Variants in CATSPERD observed in about 807,000 individuals in gnomAD.
The protein encoded by CATSPERD is cation channel sperm-associated auxiliary subunit delta.
A neutral mutation model predicts 98.1 loss-of-function variants in CATSPERD; 86 were observed. That is an observed-to-expected ratio of 0.88 (90% confidence interval 0.74 to 1.05). The LOEUF (loss-of-function observed/expected upper bound fraction) is 1.05. Among genes scored for constraint, CATSPERD ranks in the 50% least tolerant of loss-of-function variants. The pLI, the probability that CATSPERD is intolerant of heterozygous loss-of-function variation, is 0.00. For synonymous variants in CATSPERD, 394 were observed against 390.2 expected (o/e 1.01, Z -0.12); for missense variants, 995 against 1,005.7 (o/e 0.99, Z 0.14).
chr19:5,726,388 T>C (rs2055604638), intron 2 of CATSPERD, among the ~76,000 whole-genome samples: 1 of 151,944 alleles, frequency 6.6e-6, no homozygotes, highest in Non-Finnish European at 1.5e-5. Context: ...TTTTAAATTA[T>C]CATTTCTTTT....
intron 18 of CATSPERD, among the ~76,000 whole-genome samples, chr19:5,770,136 G>T (rs2056618353): frequency 6.7e-6 from 1 of 148,498 alleles, no homozygotes; most frequent in African/African-American, 2.5e-5. Context: ...TGAAAGTAAT[G>T]GCAAAAACCG....
chr19:5,751,653 G>T lies in CATSPERD; in HGVS notation c.994G>T (p.Asp332Tyr). Residue 332 changes from aspartate to tyrosine, a missense_variant, in exon 12 of 22, where the codon GAC becomes TAC. Coordinates refer to ENST00000381624, the MANE Select transcript of CATSPERD (RefSeq NM_152784.4). Reference sequence around the variant, plus strand: ...GGAATCATTTTCTTCTTAGTTTGCAGACCAATACATCTGGTCAGAAGACGT... The same window carrying T: ...GGAATCATTTTCTTCTTAGTTTGCATACCAATACATCTGGTCAGAAGACGT... The part of the protein sequence containing the change: ...IVPSSIIKFA[D>Y]QYIWSEDVAL... The T allele has an allele frequency of 6.4e-7, 1 of 1,553,604 alleles. No individual in the cohort carries two copies. Among genetic ancestry groups the T allele is most frequent in the South Asian group, 1.2e-5 (1 of 85,412 alleles).
Position 5,744,171 on chromosome 19 carries a change from G to A in CATSPERD, c.574-256G>A, listed in dbSNP as rs187164296. ...ATTTTTGTATTTTTAGTAGAGATGGGGTTTCACCATGTTGACCAGGCTGGT... is the reference window on the plus strand; with the variant it reads ...ATTTTTGTATTTTTAGTAGAGATGGAGTTTCACCATGTTGACCAGGCTGGT... On this transcript the variant is annotated intron_variant, in intron 7 of 21. Coordinates refer to ENST00000381624, the MANE Select transcript of CATSPERD (RefSeq NM_152784.4). 2.2e-3 allele frequency among the ~76,000 whole-genome samples: 340 copies of A among 152,114 alleles called. 3 individuals are homozygous for A. Among genetic ancestry groups the A allele is most frequent in the African/African-American group, 7.3e-3 (302 of 41,506 alleles).
At chr19:5,732,218 G>A (rs1045270011) in intron 4 of CATSPERD, among the ~76,000 whole-genome samples, 2 of 151,788 alleles carry the variant, frequency 1.3e-5, no homozygotes, top group Non-Finnish European at 2.9e-5. Flanking sequence ...CAGGTGATCC[G>A]TCTTGTTCTC....
At chr19:5,767,608 C>T (rs2056565951) in intron 17 of CATSPERD, among the ~76,000 whole-genome samples, 1 of 151,122 alleles carries the variant, frequency 6.6e-6, no homozygotes, top group Admixed American at 6.6e-5. Context: ...CTGCCTCAGC[C>T]TCCGAGTAGC....
Position 5,720,692 on chromosome 19 carries a change from C to A in CATSPERD, c.-46C>A. 1 of 1,577,328 alleles carries A rather than the reference C, an allele frequency of 6.3e-7. No individual in the cohort carries two copies. On this transcript the variant is annotated 5_prime_UTR_variant, in exon 1 of 22. Transcript: ENST00000381624. ...CACGTACTCGGATTGTGCAGCGACT[C>A]CCCGTGGCGGTTGAGGGGCAGTGGT...
At chr19:5,735,598 G>A (rs1170095174) in intron 5 of CATSPERD, among the ~76,000 whole-genome samples, 3 of 151,470 alleles carry the variant, frequency 2.0e-5, no homozygotes, top group East Asian at 1.9e-4. Flanking sequence ...TCAGCCTCCC[G>A]AGTAGCTAGG....
Position 5,760,170 on chromosome 19 carries a change from G to A in CATSPERD, c.1427+1026G>A, listed in dbSNP as rs577458954. Among the ~76,000 whole-genome samples, 17 of 151,026 alleles carry A rather than the reference G, an allele frequency of 1.1e-4. No homozygotes were observed. In the South Asian group the frequency reaches 3.6e-3, roughly 32 times the overall value. On this transcript the variant is annotated intron_variant, in intron 15 of 21. Transcript: ENST00000381624. Reference sequence around the variant, plus strand: ...AATCCCAACACTGTGGGAGGCTGAGGCGGACAGCTCACAAGGTCAAGAGAT... The same window carrying A: ...AATCCCAACACTGTGGGAGGCTGAGACGGACAGCTCACAAGGTCAAGAGAT...
chr19:5,738,652 C>T (rs893261587), intron 6 of CATSPERD, among the ~76,000 whole-genome samples: 4 of 152,156 alleles, frequency 2.6e-5, no homozygotes, highest in African/African-American at 4.8e-5. Context: ...GGCGCAATCT[C>T]GGCTCATTGC....
At position 5,762,901 on chromosome 19, in the gene CATSPERD, T is replaced by G. The variant is rs1222119259; in HGVS notation, c.1428-314T>G. 4.4e-5 allele frequency among the ~76,000 whole-genome samples: 6 copies of G among 137,228 alleles called. No homozygotes were observed. The East Asian group carries it at 9.0e-4, about 21-fold the overall frequency. The allele number at this position is 137,228 out of a possible 152,430, so 90.0% of individuals were successfully genotyped here. A position where few individuals can be genotyped will look rare whatever the true frequency, so the allele number is the denominator to read the frequency against. ...GATGGATAAATGGGTAGATGGATGA[T>G]TGGATGGATAGAGAGATGAATAGAT... is the stretch of plus-strand genomic sequence containing the variant. On this transcript the variant is annotated intron_variant, in intron 15 of 21. Transcript: ENST00000381624.
intron 11 of CATSPERD, among the ~76,000 whole-genome samples, chr19:5,750,056 G>A (rs2056174984): frequency 6.6e-6 from 1 of 151,120 alleles, no homozygotes; most frequent in Non-Finnish European, 1.5e-5. Context: ...CACCCGCCTA[G>A]GCCTCCCAAA....
At chr19:5,763,662 G>A (rs967431286) in intron 16 of CATSPERD, among the ~76,000 whole-genome samples, 1 of 151,844 alleles carries the variant, frequency 6.6e-6, no homozygotes, top group Non-Finnish European at 1.5e-5. Flanking sequence ...GATGATTGAA[G>A]CAGTTGAAAG....
rs1180333321 is a variant in CATSPERD at position 5,771,089 on chromosome 19, G to C, written c.1763+17G>C. ...GGTGGAGCTGTAAGACCCCAGGGGG[G>C]TGCTGCAGGGTGGGGACGGTGGCAG... is the stretch of plus-strand genomic sequence containing the variant. On this transcript the variant is annotated intron_variant, in intron 19 of 21. Transcript: ENST00000381624. 2 of 1,608,250 alleles carry C rather than the reference G, an allele frequency of 1.2e-6. No individual in the cohort carries two copies. The highest frequency in any genetic ancestry group is 1.7e-6 in the Non-Finnish European group (2 of 1,177,714).
chr19:5,766,288 T>TTA (rs1401674978), intron 17 of CATSPERD, 133 bp downstream of exon 17: 162 of 195,744 alleles, frequency 8.3e-4, no homozygotes, highest in Middle Eastern at 4.1e-3. Context: ...CCGTCTCTAC[T>TTA]GAAAAAAAAA....
At chr19:5,742,558 G>A (rs902697870) in intron 7 of CATSPERD, among the ~76,000 whole-genome samples, 2 of 151,934 alleles carry the variant, frequency 1.3e-5, no homozygotes, top group Non-Finnish European at 2.9e-5. Context: ...GAGGAAGGAG[G>A]ATCACTTGAG....
At position 5,723,925 on chromosome 19, in the gene CATSPERD, C is replaced by A. The variant is rs559162346; in HGVS notation, c.72-883C>A. ...CTGAGTAGCTGGGATTACAGGCATG[C>A]GCCACCACACGCTAATTTTGTATAT... On this transcript the variant is annotated intron_variant, in intron 1 of 21. Transcript: ENST00000381624. Among the ~76,000 whole-genome samples the A allele has an allele frequency of 1.8e-4, 28 of 151,780 alleles. 1 individual carries two copies. Among genetic ancestry groups the A allele is most frequent in the Non-Finnish European group, 3.7e-4 (25 of 67,976 alleles).
At position 5,724,880 on chromosome 19, in the gene CATSPERD, T is replaced by A; in HGVS notation, c.126+18T>A. 1 of 1,612,446 alleles carries A rather than the reference T, an allele frequency of 6.2e-7. No individual in the cohort carries two copies. The highest frequency in any genetic ancestry group is 8.5e-7 in the Non-Finnish European group (1 of 1,178,512). On this transcript the variant is annotated intron_variant, in intron 2 of 21. Coordinates refer to ENST00000381624, the MANE Select transcript of CATSPERD (RefSeq NM_152784.4). Reference sequence around the variant, plus strand: ...TTCAAGGGGTATGTGGCTCCATGCTTAAATTCATCCTTCACTTTTGTCTAA... The same window carrying A: ...TTCAAGGGGTATGTGGCTCCATGCTAAAATTCATCCTTCACTTTTGTCTAA...
intron 5 of CATSPERD, among the ~76,000 whole-genome samples, chr19:5,734,969 G>A (rs1358453417): frequency 6.6e-6 from 1 of 152,014 alleles, no homozygotes; most frequent in Non-Finnish European, 1.5e-5. Context: ...GGTAGAGAAG[G>A]TGAGCTTTAT....
At chr19:5,721,966 G>A (rs1402832398) in intron 1 of CATSPERD, among the ~76,000 whole-genome samples, 1 of 149,884 alleles carries the variant, frequency 6.7e-6, no homozygotes, top group African/African-American at 2.5e-5. Flanking sequence ...GGGTGACAAA[G>A]GGAGACTCTG....
Sources: allele counts gnomAD v4.1 joint callset (sites outside exome capture counted in the v4.1 genomes callset), GRCh38; gene constraint gnomAD v4.1.1; transcripts MANE v1.5; gene names NCBI Gene and HGNC (gene_info 2026-07-23, HGNC 2026-07-21).